Variants in ARID1B observed in about 807,000 individuals in gnomAD.
The protein encoded by ARID1B is AT-rich interaction domain 1B.
ARID1B carries 30 observed loss-of-function variants against 212.3 expected under a neutral mutation model. The observed-to-expected ratio is 0.14, with a 90% CI of 0.11 to 0.19. The LOEUF is 0.19. Ranked by LOEUF, ARID1B falls within the 10% of genes least tolerant of loss-of-function variation. ARID1B has a pLI of 1.00. For missense variants in ARID1B, 2,891 were observed against 3,204.0 expected, an observed-to-expected ratio of 0.90 and a Z score of 2.36; for synonymous variants, 1,402 against 1,301.7, an observed-to-expected ratio of 1.08 and a Z score of -1.66.
At chr6:156,939,623 G>A (rs1463777900) in intron 4 of ARID1B, 1 of 151,886 alleles carries the variant, frequency 6.6e-6, no homozygotes, top group Non-Finnish European at 1.5e-5. Flanking sequence ...AATGGCTCTC[G>A]GGGCACCTGT....
chr6:156,978,686 T>TA (rs1214358482), intron 4 of ARID1B, among the ~76,000 whole-genome samples: 25 of 152,362 alleles, frequency 1.6e-4, no homozygotes, highest in African/African-American at 5.1e-4. Context: ...GGTCTTTACT[T>TA]AAAATCTCAT....
intron 13 of ARID1B, chr6:157,186,721 T>C (rs1793001736): frequency 2.9e-6 from 1 of 349,674 alleles, no homozygotes; most frequent in Non-Finnish European, 5.7e-6. Flanking sequence ...AGAACATAAT[T>C]ATAGTTTATT....
At position 157,209,025 on chromosome 6, in the gene ARID1B, CAAA is replaced by C. The variant is rs1403064682; in HGVS notation, c.*1138_*1140del. 1 of 216,752 alleles carries C rather than the reference CAAA, an allele frequency of 4.6e-6. No individual in the cohort carries two copies. The highest frequency in any genetic ancestry group is 9.0e-6 in the Non-Finnish European group (1 of 111,726). The allele number at this position is 216,752 out of a possible 1,614,324, so 13.4% of individuals were successfully genotyped here. A position where few individuals can be genotyped will look rare whatever the true frequency, so the allele number is the denominator to read the frequency against. ...TTTAGAAAATGGTTACCAGTACAGT[CAAA>C]AAAGAGAAAATGAAAAAAATACAAC... On this transcript the variant is annotated 3_prime_UTR_variant, in exon 20 of 20. Coordinates refer to ENST00000636930, the MANE Select transcript of ARID1B (RefSeq NM_001374828.1).
chr6:157,094,820 G>A lies in ARID1B; in HGVS notation c.2491+9915G>A, dbSNP rs1047352098. Among the ~76,000 whole-genome samples, 5 of 152,170 alleles carry A rather than the reference G, an allele frequency of 3.3e-5. No homozygotes were observed. The highest frequency in any genetic ancestry group is 2.1e-4 in the South Asian group (1 of 4,830). ...TCGGAGGCTCCTGCAGTAACCACGCGGAGTGTTGATGGCCGCTTGGATGTG... is the reference window on the plus strand; with the variant it reads ...TCGGAGGCTCCTGCAGTAACCACGCAGAGTGTTGATGGCCGCTTGGATGTG... On this transcript the variant is annotated intron_variant, in intron 5 of 19. Transcript: ENST00000636930. The surrounding 1 kb of genome is among the most constrained non-coding windows in gnomAD (Gnocchi z 4.3).
At chr6:157,115,562 G>T (rs1288951573) in intron 6 of ARID1B, among the ~76,000 whole-genome samples, 3 of 152,098 alleles carry the variant, frequency 2.0e-5, no homozygotes, top group Non-Finnish European at 2.9e-5. Context: ...GAGTAGCTGG[G>T]ACTACAGGTG....
chr6:156,947,406 A>C (rs1431169215), intron 4 of ARID1B, among the ~76,000 whole-genome samples: 1 of 152,188 alleles, frequency 6.6e-6, no homozygotes, highest in Non-Finnish European at 1.5e-5. Context: ...GGCATAGTCT[A>C]CAAATTTAAT....
At chr6:156,855,083 C>A (rs1583165776) in intron 2 of ARID1B, among the ~76,000 whole-genome samples, 1 of 152,088 alleles carries the variant, frequency 6.6e-6, no homozygotes, top group African/African-American at 2.4e-5. Flanking sequence ...GCATAAAATT[C>A]AAATTGTAAT....
At chr6:157,147,283 TCACCCCCGCCTCCGACCCTGCCCTCCG>T (rs1789820042) in intron 7 of ARID1B, among the ~76,000 whole-genome samples, 1 of 5,110 alleles carries the variant, frequency 2.0e-4, no homozygotes, top group Non-Finnish European at 2.8e-4. Flanking sequence ...CCGCCAGCCC[TCACCCCCGCCTCCGACCCTGCCCTCCG>T]TCCCTCACCT....
At chr6:156,987,541 A>C (rs1047366704) in intron 4 of ARID1B, among the ~76,000 whole-genome samples, 1 of 152,152 alleles carries the variant, frequency 6.6e-6, no homozygotes, top group Admixed American at 6.5e-5. Context: ...CGTGTTAGCC[A>C]GGATGGTTTC....
At chr6:156,983,784 C>G (rs12191236) in intron 4 of ARID1B, among the ~76,000 whole-genome samples, 36,761 of 151,904 alleles carry the variant, frequency 0.24, 5,000 homozygotes, top group Non-Finnish European at 0.31. Context: ...TGGTCAGATG[C>G]TCTGGCTTTA....
intron 3 of ARID1B, 38 bp from the exon 4 acceptor site, chr6:156,935,428 A>G (rs1792114395): frequency 1.3e-6 from 2 of 1,509,748 alleles, no homozygotes; most frequent in African/African-American, 1.4e-5. Context: ...ACTCATTGAG[A>G]TATTTATGAA....
chr6:156,854,646 G>A (rs559071546), intron 2 of ARID1B, among the ~76,000 whole-genome samples: 53 of 152,348 alleles, frequency 3.5e-4, no homozygotes, highest in African/African-American at 1.1e-3. Flanking sequence ...GTAAACCGTC[G>A]CGGTGTGCCC....
At chr6:156,848,800 C>G (rs1784395806) in intron 2 of ARID1B, among the ~76,000 whole-genome samples, 1 of 152,226 alleles carries the variant, frequency 6.6e-6, no homozygotes, top group Admixed American at 6.5e-5. Context: ...CTTGGTAGAC[C>G]AGAAGTGTGG....
chr6:156,853,360 G>A (rs147176060), intron 2 of ARID1B, among the ~76,000 whole-genome samples: 3 of 152,214 alleles, frequency 2.0e-5, no homozygotes, highest in East Asian at 3.9e-4. Flanking sequence ...TTTTCCCACC[G>A]CGGGCATGAA....
At chr6:156,808,154 A>G (rs1781310571) in intron 1 of ARID1B, among the ~76,000 whole-genome samples, 1 of 152,250 alleles carries the variant, frequency 6.6e-6, no homozygotes, top group Non-Finnish European at 1.5e-5. Flanking sequence ...TTGAAATTTC[A>G]AAAGTAATTG....
At chr6:157,118,813 T>C (rs974187502) in intron 6 of ARID1B, among the ~76,000 whole-genome samples, 1 of 152,230 alleles carries the variant, frequency 6.6e-6, no homozygotes, top group Non-Finnish European at 1.5e-5. Flanking sequence ...TTTATATTCA[T>C]TGAGGAAGCA....
rs1231690303 is a variant in ARID1B, at chr6:157,190,684, G to C, written c.4231+474G>C. ...CGTGGATTGGTAAATCAGAGTCGCT[G>C]CCCACCTTCAGGGAATCACAGACTC... On this transcript the variant is annotated intron_variant, in intron 15 of 19. Transcript: ENST00000636930. The surrounding 1 kb of genome is among the most constrained non-coding windows in gnomAD (Gnocchi z 4.6). Among the ~76,000 whole-genome samples, 1 of 152,214 alleles carries C rather than the reference G, an allele frequency of 6.6e-6. No homozygotes were observed. The highest frequency in any genetic ancestry group is 1.5e-5 in the Non-Finnish European group (1 of 68,050).
intron 4 of ARID1B, among the ~76,000 whole-genome samples, chr6:156,958,556 C>A (rs550771733): frequency 6.6e-6 from 1 of 152,184 alleles, no homozygotes; most frequent in Non-Finnish European, 1.5e-5. Flanking sequence ...TCCCTGAGAT[C>A]GTGAAGCACT....
At chr6:157,009,643 C>T (rs934574564) in intron 4 of ARID1B, among the ~76,000 whole-genome samples, 8 of 152,194 alleles carry the variant, frequency 5.3e-5, no homozygotes, top group African/African-American at 1.9e-4. Flanking sequence ...GCAAAATGCT[C>T]ATCAATTGAG....
Sources: gnomAD v4.1 joint callset for allele counts (sites outside exome capture counted in the v4.1 genomes callset) on GRCh38, gnomAD v4.1.1 for gene constraint, Gnocchi (gnomAD v3.1) non-coding constraint, MANE v1.5 for transcripts, NCBI Gene and HGNC (gene_info 2026-07-23, HGNC 2026-07-21) for gene names.